Variants in ASB18 observed in about 807,000 individuals in gnomAD.
ASB18 encodes ankyrin repeat and SOCS box protein 18.
Under a neutral mutation model 33.4 loss-of-function variants are expected in ASB18, and 33 were observed. The ratio of observed to expected loss-of-function variants is 0.99; its 90% CI spans 0.75 to 1.32. The LOEUF (loss-of-function observed/expected upper bound fraction) is 1.32, where lower values mean the gene tolerates loss of function less well. Among genes scored for constraint, ASB18 ranks in the 40% most tolerant of loss-of-function variants. ASB18 has a pLI of 0.00. For synonymous variants in ASB18, 295 were observed against 307.6 expected, an observed-to-expected ratio of 0.96 and a Z score of 0.43; for missense variants, 694 against 655.5, an observed-to-expected ratio of 1.06 and a Z score of -0.64.
In ASB18 at chr2:236,241,336, A is replaced by G. The variant is rs1381903700; in HGVS notation, c.272T>C (p.Ile91Thr). 4 of 1,613,730 alleles carry G rather than the reference A, an allele frequency of 2.5e-6. No individual in the cohort carries two copies. The highest frequency in any genetic ancestry group is 3.4e-6 in the Non-Finnish European group (4 of 1,179,830). Reference protein sequence around the residue: ...FFQDANVVFEINKDEMEWQVK... With the variant: ...FFQDANVVFETNKDEMEWQVK... ...CTGCCATTCCATCTCATCCTTATTG[A>G]TCTCAAACACCACGTTGGCATCCTG... is the stretch of plus-strand genomic sequence containing the variant. Residue 91 changes from isoleucine to threonine, a missense_variant, in exon 2 of 6, where the codon ATC (isoleucine) becomes ACC (threonine). Physicochemically the swap from Ile to Thr is moderately conservative, Grantham distance 89 (BLOSUM62 -1). Coordinates refer to ENST00000409749, the MANE Select transcript of ASB18 (RefSeq NM_212556.4). The surrounding 1 kb of genome is among the most constrained non-coding windows in gnomAD (Gnocchi z 4.2).
Position 236,237,702 on chromosome 2 carries a change from C to G in ASB18, c.583G>C (p.Ala195Pro). 1 of 1,453,374 alleles carries G rather than the reference C, an allele frequency of 6.9e-7. No individual in the cohort carries two copies. The highest frequency in any genetic ancestry group is 9.0e-7 in the Non-Finnish European group (1 of 1,108,946). 90.0% of individuals were successfully genotyped at this position (1,453,374 alleles called of 1,614,324 possible). A position where few individuals can be genotyped will look rare whatever the true frequency, so the allele number is the denominator to read the frequency against. ...CGAGGTCCTTACCCGAGCGAGGCGG[C>G]CGTGCGGCAGAGGTGCAGAGGCGCC... ...GLAPLHLCRT[A>P]ASLGCAQALL... is the part of the protein sequence containing the mutation. Residue 195 changes from alanine (A) to proline (P), a missense_variant, in exon 3 of 6, where the codon GCC becomes CCC. Transcript: ENST00000409749. The surrounding 1 kb of genome is among the most constrained non-coding windows in gnomAD (Gnocchi z 6.2).
In ASB18 at chr2:236,237,693, G is replaced by A; in HGVS notation, c.592C>T (p.Leu198Phe). The change falls in exon 3 of 6, where the codon CTC (leucine) becomes TTC (phenylalanine). Residue 198 changes from leucine (L) to phenylalanine (F), a missense_variant. Leu to Phe is a conservative substitution (Grantham distance 22). Transcript: ENST00000409749. This position sits in a 1 kb window ranked among gnomAD's most constrained non-coding sequence, Gnocchi z 6.2. ...PLHLCRTAAS[L>F]GCAQALLEHG... ...GGCCTGTCCCGAGGTCCTTACCCGA[G>A]CGAGGCGGCCGTGCGGCAGAGGTGC... 6.9e-7 allele frequency: 1 copy of A among 1,450,750 alleles called. No homozygotes were observed. The highest frequency in any genetic ancestry group is 1.3e-5 in the South Asian group (1 of 74,940). 89.9% of individuals were successfully genotyped at this position (1,450,750 alleles called of 1,614,324 possible). A position where few individuals can be genotyped will look rare whatever the true frequency, so the allele number is the denominator to read the frequency against.
chr2:236,233,093 A>AT (rs2060574008), intron 3 of ASB18, among the ~76,000 whole-genome samples: 2 of 152,134 alleles, frequency 1.3e-5, no homozygotes, highest in African/African-American at 4.8e-5. Context: ...ATAACTCCTC[A>AT]TGATCAAGTG....
Position 236,259,423 on chromosome 2 carries a change from T to C in ASB18, c.205+4718A>G. 1 of 442,458 alleles carries C rather than the reference T, an allele frequency of 2.3e-6. No individual in the cohort carries two copies. The highest frequency in any genetic ancestry group is 1.7e-5 in the South Asian group (1 of 60,418). The allele number at this position is 442,458 out of a possible 1,614,324, so 27.4% of individuals were successfully genotyped here. ...AGAGGTGGCATTCAGGTTTGAATTA[T>C]CCAGTTGGTATATAAAAAGCAGCCT... On this transcript the variant is annotated intron_variant, in intron 1 of 5. Transcript: ENST00000409749. The surrounding 1 kb of genome is among the most constrained non-coding windows in gnomAD (Gnocchi z 4.4).
In ASB18 at chr2:236,237,189, C is replaced by T. The variant is rs2060596262; in HGVS notation, c.596+500G>A. 6.6e-6 allele frequency among the ~76,000 whole-genome samples: 1 copy of T among 152,158 alleles called. No homozygotes were observed. The highest frequency in any genetic ancestry group is 2.4e-5 in the African/African-American group (1 of 41,456). On this transcript the variant is annotated intron_variant, in intron 3 of 5. Transcript: ENST00000409749. The surrounding 1 kb of genome is among the most constrained non-coding windows in gnomAD (Gnocchi z 6.2). ...TGACAATTATTCTGCATAAAATTAT[C>T]ATTAAAAACCCTAATTTTTCAGCCT... is the stretch of plus-strand genomic sequence containing the variant.
At chr2:236,240,618 G>A (rs1241566032) in intron 2 of ASB18, among the ~76,000 whole-genome samples, 1 of 152,218 alleles carries the variant, frequency 6.6e-6, no homozygotes, top group Non-Finnish European at 1.5e-5. Context: ...GTCAGCAAGT[G>A]TCTGCACATC....
intron 4 of ASB18, among the ~76,000 whole-genome samples, chr2:236,207,798 C>T (rs898243468): frequency 6.6e-6 from 1 of 150,496 alleles, no homozygotes; most frequent in African/African-American, 2.5e-5. Context: ...GCTTCACAGG[C>T]TTCCCCCACT....
Position 236,237,795 on chromosome 2 carries a change from G to A in ASB18, c.490C>T (p.His164Tyr). 1 of 1,433,030 alleles carries A rather than the reference G, an allele frequency of 7.0e-7. No homozygotes were observed. Among genetic ancestry groups the A allele is most frequent in the Non-Finnish European group, 9.1e-7 (1 of 1,098,104 alleles). 88.8% of individuals were successfully genotyped at this position (1,433,030 alleles called of 1,614,324 possible). A position where few individuals can be genotyped will look rare whatever the true frequency, so the allele number is the denominator to read the frequency against. The stretch of plus-strand genomic sequence containing the variant: ...AGCAGCAGGCGGACGCAGGCGGTGT[G>A]GCCCCCGAGGCAGGCCTCGTGCAGG... ...GALHEACLGG[H>Y]TACVRLLLQH... The change falls in exon 3 of 6, where the codon CAC (histidine) becomes TAC (tyrosine). Residue 164 changes from histidine to tyrosine, a missense_variant. By Grantham distance (83) the His-to-Tyr change is moderately conservative. Transcript: ENST00000409749. This position sits in a 1 kb window ranked among gnomAD's most constrained non-coding sequence, Gnocchi z 6.2.
In ASB18 at chr2:236,194,920, C is replaced by A; in HGVS notation, c.1353G>T (p.Lys451Asn). 1 of 1,613,806 alleles carries A rather than the reference C, an allele frequency of 6.2e-7. No homozygotes were observed. The highest frequency in any genetic ancestry group is 8.5e-7 in the Non-Finnish European group (1 of 1,179,822). ...FDLIPLLPLP[K>N]PLQNYLLLEP... ...CCAAAAGTAGGTAATTCTGCAGGGGCTTTGGCAAGGGTAACAGGGGGATGA... is the reference window on the plus strand; with the variant it reads ...CCAAAAGTAGGTAATTCTGCAGGGGATTTGGCAAGGGTAACAGGGGGATGA... The change falls in exon 6 of 6, where the codon AAG becomes AAT. Residue 451 changes from lysine to asparagine, a missense_variant. Transcript: ENST00000409749. This position sits in a 1 kb window ranked among gnomAD's most constrained non-coding sequence, Gnocchi z 4.5.
chr2:236,236,330 A>C (rs2060588555), intron 3 of ASB18, among the ~76,000 whole-genome samples: 1 of 152,206 alleles, frequency 6.6e-6, no homozygotes, highest in Non-Finnish European at 1.5e-5. Context: ...AATTCAGACT[A>C]AGCCAAGTAA....
At position 236,250,793 on chromosome 2, in the gene ASB18, C is replaced by A. The variant is rs2060665326; in HGVS notation, c.206-9391G>T. 6.6e-6 allele frequency: 1 copy of A among 152,182 alleles called. No individual in the cohort carries two copies. The highest frequency in any genetic ancestry group is 1.5e-5 in the Non-Finnish European group (1 of 68,036). 9.4% of individuals were successfully genotyped at this position (152,182 alleles called of 1,614,324 possible). A position where few individuals can be genotyped will look rare whatever the true frequency, so the allele number is the denominator to read the frequency against. ...AGAAGCTGGGCAGGTATATAAAGTTCTGCTTTTAAGAGTTCCAGGACACAT... is the reference window on the plus strand; with the variant it reads ...AGAAGCTGGGCAGGTATATAAAGTTATGCTTTTAAGAGTTCCAGGACACAT... On this transcript the variant is annotated intron_variant, in intron 1 of 5. Coordinates refer to ENST00000409749, the MANE Select transcript of ASB18 (RefSeq NM_212556.4). This position sits in a 1 kb window ranked among gnomAD's most constrained non-coding sequence, Gnocchi z 4.1.
rs2060428126 is a variant in ASB18 at position 236,205,394 on chromosome 2, A to G, written c.1101+8968T>C. Among the ~76,000 whole-genome samples the G allele has an allele frequency of 6.6e-6, 1 of 152,238 alleles. No homozygotes were observed. The highest frequency in any genetic ancestry group is 1.5e-5 in the Non-Finnish European group (1 of 68,040). ...GCTGCTCTTCCCCAGACATCCACACAGTGGGTCCCTCACATCTCTCAAGTC... is the reference window on the plus strand; with the variant it reads ...GCTGCTCTTCCCCAGACATCCACACGGTGGGTCCCTCACATCTCTCAAGTC... On this transcript the variant is annotated intron_variant, in intron 4 of 5. Coordinates refer to ENST00000409749, the MANE Select transcript of ASB18 (RefSeq NM_212556.4). The surrounding 1 kb of genome is among the most constrained non-coding windows in gnomAD (Gnocchi z 5.4).
At chr2:236,227,296 G>A in intron 3 of ASB18, among the ~76,000 whole-genome samples, 1 of 152,140 alleles carries the variant, frequency 6.6e-6, no homozygotes, top group East Asian at 1.9e-4. Context: ...ATAAAGGAAA[G>A]AAACATCAAG....
Position 236,241,321 on chromosome 2 carries a change from A to T in ASB18, c.287T>A (p.Met96Lys), listed in dbSNP as rs1438866507. 1.2e-6 allele frequency: 2 copies of T among 1,613,806 alleles called. No individual in the cohort carries two copies. Among genetic ancestry groups the T allele is most frequent in the Admixed American group, 1.7e-5 (1 of 60,028 alleles). ...GGCTGGAGATTTCACCTGCCATTCCATCTCATCCTTATTGATCTCAAACAC... is the reference window on the plus strand; with the variant it reads ...GGCTGGAGATTTCACCTGCCATTCCTTCTCATCCTTATTGATCTCAAACAC... ...NVVFEINKDE[M>K]EWQVKSPATF... The change falls in exon 2 of 6, where the codon ATG (methionine) becomes AAG (lysine). Residue 96 changes from methionine (M) to lysine (K), a missense_variant. By Grantham distance (95) the Met-to-Lys change is moderately conservative. Transcript: ENST00000409749. The surrounding 1 kb of genome is among the most constrained non-coding windows in gnomAD (Gnocchi z 4.2).
rs2060635821 is a variant in ASB18 at position 236,244,515 on chromosome 2, C to T, written c.206-3113G>A. Among the ~76,000 whole-genome samples the T allele has an allele frequency of 6.6e-6, 1 of 152,202 alleles. No individual in the cohort carries two copies. On this transcript the variant is annotated intron_variant, in intron 1 of 5. Transcript: ENST00000409749. The surrounding 1 kb of genome is among the most constrained non-coding windows in gnomAD (Gnocchi z 6.1). ...AAGGAATAGAGCTCACTGGGCTGTG[C>T]ATCCTTGGTCACAGTCGAGCTTCCT... is the stretch of plus-strand genomic sequence containing the variant.
At chr2:236,201,619 G>A (rs2060403108) in intron 4 of ASB18, among the ~76,000 whole-genome samples, 1 of 151,746 alleles carries the variant, frequency 6.6e-6, no homozygotes, top group Admixed American at 6.6e-5. Context: ...TTTGGCACTA[G>A]CAGAAGTCAC....
chr2:236,262,887 G>C lies in ASB18; in HGVS notation c.205+1254C>G, dbSNP rs112868596. Among the ~76,000 whole-genome samples, 983 of 7,088 alleles carry C rather than the reference G, an allele frequency of 0.14. 11 individuals are homozygous for C. Among genetic ancestry groups the C allele is most frequent in the African/African-American group, 0.27 (923 of 3,406 alleles). The allele number at this position is 7,088 out of a possible 152,430, so 4.7% of individuals were successfully genotyped here. A position where few individuals can be genotyped will look rare whatever the true frequency, so the allele number is the denominator to read the frequency against. ...CCAGAAAGTAGACCCAAACCAAGGG[G>C]GGGGGGCGGACCCCCTCGGAAGTTC... On this transcript the variant is annotated intron_variant, in intron 1 of 5. Transcript: ENST00000409749. The surrounding 1 kb of genome is among the most constrained non-coding windows in gnomAD (Gnocchi z 5.2).
chr2:236,239,280 A>T lies in ASB18; in HGVS notation c.329-1324T>A, dbSNP rs1441601425. Among the ~76,000 whole-genome samples, 4 of 152,082 alleles carry T rather than the reference A, an allele frequency of 2.6e-5. No homozygotes were observed. The highest frequency in any genetic ancestry group is 7.2e-5 in the African/African-American group (3 of 41,412). ...TTCTCTGGGAAATGCTAAATCCCCA[A>T]CCCAGCCCCACCCTACCCTAGCGCT... On this transcript the variant is annotated intron_variant, in intron 2 of 5. Transcript: ENST00000409749. This position sits in a 1 kb window ranked among gnomAD's most constrained non-coding sequence, Gnocchi z 5.6.
At position 236,214,602 on chromosome 2, in the gene ASB18, G is replaced by A; in HGVS notation, c.861C>T (p.Asp287=). ...GGCTGCGCTCGTCCTCGTCGCGCGC[G>A]TCCGCCTCCGCCCCGCGCCGCAGCA... ...ALLLRRGAEA[D]ARDEDERSPL... Residue 287 remains aspartate, a synonymous_variant, in exon 4 of 6, where the codon GAC becomes GAT. Coordinates refer to ENST00000409749, the MANE Select transcript of ASB18 (RefSeq NM_212556.4). This position sits in a 1 kb window ranked among gnomAD's most constrained non-coding sequence, Gnocchi z 6.5. 1 of 1,250,478 alleles carries A rather than the reference G, an allele frequency of 8.0e-7. No homozygotes were observed. Among genetic ancestry groups the A allele is most frequent in the Non-Finnish European group, 1.0e-6 (1 of 1,000,262 alleles). The allele number at this position is 1,250,478 out of a possible 1,614,324, so 77.5% of individuals were successfully genotyped here.
Sources: gnomAD v4.1 joint callset for allele counts (sites outside exome capture counted in the v4.1 genomes callset) on GRCh38, gnomAD v4.1.1 for gene constraint, Gnocchi (gnomAD v3.1) non-coding constraint, MANE v1.5 for transcripts, NCBI Gene and HGNC (gene_info 2026-07-23, HGNC 2026-07-21) for gene names.